The following ARMC2 variants were observed in gnomAD, a reference collection of about 807,000 sequenced individuals.
ARMC2 encodes armadillo repeat-containing protein 2.
Under a neutral mutation model 90.3 loss-of-function variants are expected in ARMC2, and 67 were observed. The observed-to-expected ratio is 0.74, with a 90% CI of 0.61 to 0.91. ARMC2 has a LOEUF of 0.91. Ranked by LOEUF, ARMC2 falls within the 40% of genes least tolerant of loss-of-function variation. The pLI is 0.00. For missense variants in ARMC2, 920 were observed against 1,030.9 expected, an observed-to-expected ratio of 0.89 and a Z score of 1.47; for synonymous variants, 393 against 393.0, an observed-to-expected ratio of 1.00 and a Z score of 0.00.
chr6:108,879,149 T>TACCCATCTATCCACCCATTC (rs1777233235), intron 5 of ARMC2, among the ~76,000 whole-genome samples: 2 of 142,352 alleles, frequency 1.4e-5, no homozygotes, highest in East Asian at 4.5e-4. Flanking sequence ...TCTATATATC[T>TACCCATCTATCCACCCATTC]ACCCATCTAT....
intron 5 of ARMC2, among the ~76,000 whole-genome samples, chr6:108,887,378 A>G (rs1770474210): frequency 6.6e-6 from 1 of 152,176 alleles, no homozygotes; most frequent in Non-Finnish European, 1.5e-5. Flanking sequence ...GTTCAGAGTG[A>G]AATGTAGGAC....
the ARMC2 span, among the ~76,000 whole-genome samples, chr6:109,007,692 G>C: frequency 6.7e-6 from 1 of 149,970 alleles, no homozygotes; most frequent in Non-Finnish European, 1.5e-5. Flanking sequence ...AGAAGTGTTA[G>C]AAATATGCCT....
At chr6:108,860,616 C>T (rs567262943) in intron 3 of ARMC2, among the ~76,000 whole-genome samples, 37 of 147,722 alleles carry the variant, frequency 2.5e-4, no homozygotes, top group African/African-American at 8.0e-4. Context: ...GAGCCGAGTT[C>T]GCGCCACTGC....
chr6:109,037,175 G>A, the ARMC2 span, among the ~76,000 whole-genome samples: 3 of 152,130 alleles, frequency 2.0e-5, no homozygotes, highest in South Asian at 4.1e-4. Flanking sequence ...TATGAACCAC[G>A]CTATTTAAGA....
intron 12 of ARMC2, among the ~76,000 whole-genome samples, chr6:108,937,385 A>G (rs1776039753): frequency 6.6e-6 from 1 of 152,114 alleles, no homozygotes; most frequent in Non-Finnish European, 1.5e-5. Context: ...ACTGAGTCAG[A>G]TGGGTAGGGT....
the ARMC2 span, among the ~76,000 whole-genome samples, chr6:109,026,271 GT>G: frequency 6.6e-6 from 1 of 152,166 alleles, no homozygotes; most frequent in African/African-American, 2.4e-5. Context: ...AACTGAAGGA[GT>G]GTCAGTTCAG....
intron 4 of ARMC2, among the ~76,000 whole-genome samples, chr6:108,869,643 T>TA (rs1332127580): frequency 6.6e-6 from 1 of 152,274 alleles, no homozygotes; most frequent in African/African-American, 2.4e-5. Flanking sequence ...ATAAGATTCT[T>TA]ATAATGCACA....
At chr6:109,049,200 T>TA in the ARMC2 span, among the ~76,000 whole-genome samples, 32 of 152,064 alleles carry the variant, frequency 2.1e-4, no homozygotes, top group East Asian at 3.5e-3. Context: ...TACTCAGCCA[T>TA]AAAAAAGAAG....
At chr6:108,873,862 A>G (rs1776676465) in intron 4 of ARMC2, among the ~76,000 whole-genome samples, 1 of 152,118 alleles carries the variant, frequency 6.6e-6, no homozygotes, top group South Asian at 2.1e-4. Flanking sequence ...CTGGGGTCAC[A>G]CTGGGCTTCA....
chr6:109,041,073 G>A, the ARMC2 span, among the ~76,000 whole-genome samples: 2 of 151,822 alleles, frequency 1.3e-5, no homozygotes, highest in African/African-American at 4.8e-5. Flanking sequence ...AGCTGAGGAA[G>A]GAGATTAGCA....
chr6:108,887,799 A>G (rs1475621804), intron 5 of ARMC2, among the ~76,000 whole-genome samples: 6 of 152,238 alleles, frequency 3.9e-5, no homozygotes, highest in Non-Finnish European at 7.3e-5. Flanking sequence ...AAATTTAATT[A>G]CAGTCTTTAA....
Position 108,885,227 on chromosome 6 carries a change from G to GGTGTGTGT in ARMC2, c.671+8894_671+8901dup, listed in dbSNP as rs61665393. Among the ~76,000 whole-genome samples the GGTGTGTGT allele has an allele frequency of 3.3e-4, 49 of 149,822 alleles. 1 individual carries two copies. The highest frequency in any genetic ancestry group is 3.4e-3 in the Middle Eastern group (1 of 290). Reference sequence around the variant, plus strand: ...GTGATTATTAAAAAAGGTGCCAAGGGGTGTGTGTGTGTGTGTGTGTGTGTA... The same window carrying GGTGTGTGT: ...GTGATTATTAAAAAAGGTGCCAAGGGGTGTGTGTGTGTGTGTGTGTGTGTGTGTGTGTA... On this transcript the variant is annotated intron_variant, in intron 5 of 17. Coordinates refer to ENST00000392644, the MANE Select transcript of ARMC2 (RefSeq NM_032131.6).
At chr6:108,949,075 G>C (rs1776996781) in intron 12 of ARMC2, among the ~76,000 whole-genome samples, 1 of 152,154 alleles carries the variant, frequency 6.6e-6, no homozygotes. Context: ...ATTTTAGGAG[G>C]TAAATTGTTT....
At chr6:108,901,098 ATTTTTTTTTTTTTTTTTTTTT>A (rs1173637475) in intron 7 of ARMC2, among the ~76,000 whole-genome samples, 11 of 59,366 alleles carry the variant, frequency 1.9e-4, no homozygotes, top group South Asian at 7.9e-4. Flanking sequence ...GAAAGAAGGA[ATTTTTTTTTTTTTTTTTTTTT>A]TTTTTTTTTT....
At chr6:108,896,826 CA>C (rs1316510577) in intron 6 of ARMC2, among the ~76,000 whole-genome samples, 1 of 152,140 alleles carries the variant, frequency 6.6e-6, no homozygotes, top group Non-Finnish European at 1.5e-5. Context: ...GTAAAAAATG[CA>C]GACTTGAACT....
chr6:109,008,854 C>T, the ARMC2 span: 2 of 985,620 alleles, frequency 2.0e-6, no homozygotes, highest in Non-Finnish European at 2.4e-6. Context: ...CAGGCAACAT[C>T]ATCTCTTCCC....
chr6:108,970,928 A>C (rs1439146902), intron 17 of ARMC2, among the ~76,000 whole-genome samples: 1 of 152,136 alleles, frequency 6.6e-6, no homozygotes, highest in African/African-American at 2.4e-5. Flanking sequence ...TGGCCTAGAA[A>C]TGTGAAATCA....
At chr6:108,898,407 C>T (rs181582031) in intron 6 of ARMC2, among the ~76,000 whole-genome samples, 23 of 152,266 alleles carry the variant, frequency 1.5e-4, no homozygotes, top group African/African-American at 4.6e-4. Flanking sequence ...CACCCTGCCC[C>T]GAGAGGGCAT....
At chr6:108,899,856 A>T in intron 7 of ARMC2, 64 bp downstream of exon 7, 2 of 1,227,820 alleles carry the variant, frequency 1.6e-6, no homozygotes, top group African/African-American at 1.5e-5. Context: ...ACCTGTAGTT[A>T]TTTATGTGTT....
Sources: gnomAD v4.1 joint callset for allele counts (sites outside exome capture counted in the v4.1 genomes callset) on GRCh38, gnomAD v4.1.1 for gene constraint, MANE v1.5 for transcripts, NCBI Gene and HGNC (gene_info 2026-07-23, HGNC 2026-07-21) for gene names.